Variants in RUFY1 observed in about 807,000 individuals in gnomAD.
The protein encoded by RUFY1 is RUN and FYVE domain-containing protein 1.
A neutral mutation model predicts 94.6 loss-of-function variants in RUFY1; 54 were observed. The observed-to-expected ratio is 0.57, with a 90% CI of 0.46 to 0.72. The LOEUF is 0.72. Ranked by LOEUF, RUFY1 falls within the 30% of genes least tolerant of loss-of-function variation. The pLI, the probability that RUFY1 is intolerant of heterozygous loss-of-function variation, is 0.00. For missense variants in RUFY1, 883 were observed against 883.9 expected (o/e 1.00, Z 0.01); for synonymous variants, 396 against 347.3 (o/e 1.14, Z -1.56).
At position 179,550,842 on chromosome 5, in the gene RUFY1, G is replaced by A. The variant is rs1165451962; in HGVS notation, c.273G>A (p.Leu91=). The A allele has an allele frequency of 9.8e-6, 12 of 1,224,784 alleles. No homozygotes were observed. Among genetic ancestry groups the A allele is most frequent in the Non-Finnish European group, 1.1e-5 (11 of 987,056 alleles). 75.9% of individuals were successfully genotyped at this position (1,224,784 alleles called of 1,614,324 possible). Residue 91 remains leucine (L), a synonymous_variant, in exon 1 of 18, where the codon CTG becomes CTA. Coordinates refer to ENST00000319449, the MANE Select transcript of RUFY1 (RefSeq NM_025158.5). ...CGSALRAAAG[L]GGGDSGDGTA... is the part of the protein sequence containing the mutation. ...GCGCGCTGCGCGCGGCCGCGGGGCT[G>A]GGCGGCGGGGACAGCGGGGACGGCA... is the stretch of plus-strand genomic sequence containing the variant.
At chr5:179,562,776 C>T (rs1723065423) in intron 3 of RUFY1, 112 bp downstream of exon 3, 2 of 685,504 alleles carry the variant, frequency 2.9e-6, no homozygotes, top group African/African-American at 3.6e-5. Flanking sequence ...AGCTCTGCTG[C>T]TCATTATCCA....
chr5:179,568,372 G>A (rs1561986561), intron 4 of RUFY1, among the ~76,000 whole-genome samples: 1 of 152,170 alleles, frequency 6.6e-6, no homozygotes, highest in East Asian at 1.9e-4. Flanking sequence ...TGATTTACGA[G>A]GAAGGACTCT....
Position 179,567,470 on chromosome 5 carries a change from G to T in RUFY1, c.612G>T (p.Val204=). The T allele has an allele frequency of 6.2e-7, 1 of 1,613,252 alleles. No individual in the cohort carries two copies. Among genetic ancestry groups the T allele is most frequent in the South Asian group, 1.1e-5 (1 of 91,068 alleles). The part of the protein sequence containing the change: ...VRNLPELKTA[V]GRGRAWLYLA... The stretch of plus-strand genomic sequence containing the variant: ...TCTGTTTGAATTCTAGGACAGCTGT[G>T]GGAAGAGGCCGAGCGTGGCTTTATC... Residue 204 remains valine (V), a synonymous_variant, in exon 4 of 18, where the codon GTG becomes GTT. Coordinates refer to ENST00000319449, the MANE Select transcript of RUFY1 (RefSeq NM_025158.5).
chr5:179,584,053 T>G (rs1257923741), intron 7 of RUFY1, among the ~76,000 whole-genome samples: 1 of 152,186 alleles, frequency 6.6e-6, no homozygotes, highest in African/African-American at 2.4e-5. Flanking sequence ...AGGCCTATAT[T>G]TTTAAGAAAA....
In RUFY1 at chr5:179,591,715, CTAAA is replaced by C; in HGVS notation, c.1220_1223del (p.Leu407GlnfsTer20). On this transcript the variant is annotated frameshift_variant, in exon 10 of 18. Coordinates refer to ENST00000319449, the MANE Select transcript of RUFY1 (RefSeq NM_025158.5). LOFTEE classifies it high-confidence loss of function. ...AATGTACAGTGATGTGTGGAAGCAG[CTAAA>C]AGAGGAGAAGAAAGTCCGGTTGGTG... 6.2e-7 allele frequency: 1 copy of C among 1,609,176 alleles called. No individual in the cohort carries two copies. Among genetic ancestry groups the C allele is most frequent in the Non-Finnish European group, 8.5e-7 (1 of 1,178,266 alleles).
intron 4 of RUFY1, among the ~76,000 whole-genome samples, chr5:179,568,647 A>C (rs140396390): frequency 6.6e-6 from 1 of 152,236 alleles, no homozygotes; most frequent in Non-Finnish European, 1.5e-5. Context: ...GATACTATGC[A>C]TGTATACACT....
At chr5:179,577,170 T>A in intron 6 of RUFY1, 34 bp downstream of exon 6, 1 of 1,282,464 alleles carries the variant, frequency 7.8e-7, no homozygotes, top group Non-Finnish European at 1.1e-6. Flanking sequence ...TTTTTTTTTT[T>A]TTTTTTTTTT....
At chr5:179,600,565 G>C (rs534943293) in intron 14 of RUFY1, among the ~76,000 whole-genome samples, 1 of 151,996 alleles carries the variant, frequency 6.6e-6, no homozygotes, top group East Asian at 1.9e-4. Context: ...TGCAAGGTTC[G>C]TGTGATTTTG....
chr5:179,563,122 C>T (rs940654802), intron 3 of RUFY1, among the ~76,000 whole-genome samples: 1 of 152,078 alleles, frequency 6.6e-6, no homozygotes, highest in Non-Finnish European at 1.5e-5. Flanking sequence ...AAAAACAGTC[C>T]AGAACACAAA....
chr5:179,591,640 A>G lies in RUFY1; in HGVS notation c.1144A>G (p.Thr382Ala), dbSNP rs949042359. ...EKSVEITKQD[T>A]KVELETYKQT... Reference sequence around the variant, plus strand: ...TTTGATACAGATAACAAAACAGGATACCAAAGTTGAGCTGGAGACTTACAA... The same window carrying G: ...TTTGATACAGATAACAAAACAGGATGCCAAAGTTGAGCTGGAGACTTACAA... The change falls in exon 10 of 18, where the codon ACC becomes GCC. Residue 382 changes from threonine to alanine, a missense_variant. Coordinates refer to ENST00000319449, the MANE Select transcript of RUFY1 (RefSeq NM_025158.5). 4 of 1,611,598 alleles carry G rather than the reference A, an allele frequency of 2.5e-6. No homozygotes were observed. In the South Asian group the frequency reaches 3.3e-5, roughly 13 times the overall value.
chr5:179,608,241 C>T, intron 17 of RUFY1: 1 of 972,706 alleles, frequency 1.0e-6, no homozygotes, highest in Non-Finnish European at 1.2e-6. Context: ...CCAGCGCCAC[C>T]CACCTTTCTG....
At chr5:179,603,061 A>G (rs1409299414) in intron 15 of RUFY1, among the ~76,000 whole-genome samples, 1 of 152,120 alleles carries the variant, frequency 6.6e-6, no homozygotes, top group Non-Finnish European at 1.5e-5. Context: ...TGAGGTCAGG[A>G]GTTCGAGACC....
chr5:179,586,314 C>G (rs1333376245), intron 8 of RUFY1: 3 of 458,056 alleles, frequency 6.5e-6, no homozygotes, highest in African/African-American at 6.0e-5. Flanking sequence ...TGCGGTCTTT[C>G]TCTGCTTTCT....
At chr5:179,596,071 A>G (rs1000955010) in intron 12 of RUFY1, 1 of 175,884 alleles carries the variant, frequency 5.7e-6, no homozygotes, top group African/African-American at 2.4e-5. Flanking sequence ...CATAACTGCC[A>G]AAAGCTAGAA....
intron 9 of RUFY1, among the ~76,000 whole-genome samples, chr5:179,591,395 A>G (rs569196622): frequency 8.3e-4 from 125 of 150,158 alleles, no homozygotes; most frequent in Non-Finnish European, 1.3e-3. Context: ...CATGTTAGCC[A>G]GGATGGTCTC....
chr5:179,581,556 TAG>T (rs1487902927), intron 7 of RUFY1, among the ~76,000 whole-genome samples: 1 of 151,462 alleles, frequency 6.6e-6, no homozygotes, highest in Non-Finnish European at 1.5e-5. Context: ...GAGTCCCCTC[TAG>T]AGAGTACATT....
chr5:179,607,559 C>G, intron 16 of RUFY1, 23 bp from the exon 17 acceptor site: 1 of 1,611,056 alleles, frequency 6.2e-7, no homozygotes, highest in Non-Finnish European at 8.5e-7. Context: ...AAAGTGGATT[C>G]TAGAATGTCC....
intron 10 of RUFY1, 118 bp from the exon 11 acceptor site, chr5:179,593,360 T>G: frequency 1.8e-4 from 211 of 1,204,106 alleles, no homozygotes; most frequent in Non-Finnish European, 2.3e-4. Context: ...ATTACAGGCA[T>G]GAGCCACCAC....
chr5:179,579,609 G>A (rs917546189), intron 6 of RUFY1, among the ~76,000 whole-genome samples: 4 of 147,764 alleles, frequency 2.7e-5, no homozygotes, highest in Admixed American at 6.9e-5. Flanking sequence ...TGGGATTACA[G>A]GCATGAGCCA....
Sources: allele counts gnomAD v4.1 joint callset (sites outside exome capture counted in the v4.1 genomes callset), GRCh38; gene constraint gnomAD v4.1.1; transcripts MANE v1.5; gene names NCBI Gene and HGNC (gene_info 2026-07-23, HGNC 2026-07-21).